TP73: variants seen among roughly 807,000 people sequenced by gnomAD.
TP73 encodes tumor protein p73.
TP73 carries 25 observed loss-of-function variants against 62.5 expected under a neutral mutation model. The ratio of observed to expected loss-of-function variants is 0.40; its 90% CI spans 0.29 to 0.56. TP73 has a LOEUF of 0.56. Ranked by LOEUF, TP73 falls within the 20% of genes least tolerant of loss-of-function variation. TP73 has a pLI of 0.46. For missense variants in TP73, 754 were observed against 913.3 expected (o/e 0.83, Z 2.25); for synonymous variants, 423 against 377.5 (o/e 1.12, Z -1.40).
intron 4 of TP73, among the ~76,000 whole-genome samples, chr1:3,721,704 T>C (rs916447715): frequency 6.6e-6 from 1 of 152,148 alleles, no homozygotes; most frequent in Non-Finnish European, 1.5e-5. Context: ...CCCTTCTTGC[T>C]CTCCTGGCCT....
At chr1:3,729,643 TG>T in intron 10 of TP73, 195 bp downstream of exon 10, 1 of 1,022,490 alleles carries the variant, frequency 9.8e-7, no homozygotes, top group Non-Finnish European at 1.5e-6. Context: ...CCTGGGACCC[TG>T]GGTCATGGCC....
rs767970033 is a variant in TP73, at chr1:3,727,242, G to A, written c.842+18G>A. 38 of 1,607,398 alleles carry A rather than the reference G, an allele frequency of 2.4e-5. No individual in the cohort carries two copies. Among genetic ancestry groups the A allele is most frequent in the South Asian group, 9.9e-5 (9 of 90,656 alleles). ...ATGCGGGAGTGAGTCCCGGGCACACGGGGTGGAGGTGGGACAGGGCTGGGC... is the reference window on the plus strand; with the variant it reads ...ATGCGGGAGTGAGTCCCGGGCACACAGGGTGGAGGTGGGACAGGGCTGGGC... On this transcript the variant is annotated intron_variant, in intron 7 of 13. Coordinates refer to ENST00000378295, the MANE Select transcript of TP73 (RefSeq NM_005427.4).
chr1:3,684,076 C>A (rs2102097066), intron 3 of TP73, among the ~76,000 whole-genome samples: 1 of 152,332 alleles, frequency 6.6e-6, no homozygotes, highest in Non-Finnish European at 1.5e-5. Flanking sequence ...CTGCCCATAG[C>A]CAGGCCTCGA....
At chr1:3,715,273 G>A (rs547728299) in intron 4 of TP73, among the ~76,000 whole-genome samples, 14 of 152,252 alleles carry the variant, frequency 9.2e-5, no homozygotes, top group East Asian at 7.7e-4. Context: ...CTGTAGTACC[G>A]TCTTTCTGGA....
chr1:3,682,021 G>A (rs1645534888), intron 1 of TP73, among the ~76,000 whole-genome samples: 1 of 152,222 alleles, frequency 6.6e-6, no homozygotes, highest in Admixed American at 6.5e-5. Flanking sequence ...AGGAGCGGGT[G>A]TTGCTGTCAC....
At chr1:3,700,904 G>T (rs1176134675) in intron 3 of TP73, among the ~76,000 whole-genome samples, 1 of 152,254 alleles carries the variant, frequency 6.6e-6, no homozygotes, top group African/African-American at 2.4e-5. Context: ...CCATGCGGCG[G>T]GAGGGTGATG....
rs1277917272 is a variant in TP73, at chr1:3,735,729, GGGGACAGGCAGT to G, written c.*2653_*2664del. ...GGCTGCTGGCACTCCTGGGGCCAAG[GGGGACAGGCAGT>G]GGTCCTGAGTCTGCTCAGAGAGGCA... On this transcript the variant is annotated 3_prime_UTR_variant, in exon 14 of 14. Coordinates refer to ENST00000378295, the MANE Select transcript of TP73 (RefSeq NM_005427.4). 6.6e-6 allele frequency: 1 copy of G among 152,268 alleles called. No homozygotes were observed. The highest frequency in any genetic ancestry group is 2.4e-5 in the African/African-American group (1 of 41,444). 9.4% of individuals were successfully genotyped at this position (152,268 alleles called of 1,614,324 possible). A position where few individuals can be genotyped will look rare whatever the true frequency, so the allele number is the denominator to read the frequency against.
At chr1:3,715,716 C>G (rs925401786) in intron 4 of TP73, among the ~76,000 whole-genome samples, 2 of 152,112 alleles carry the variant, frequency 1.3e-5, no homozygotes, top group African/African-American at 4.8e-5. Flanking sequence ...GCAAACGCTG[C>G]CTCGCAGCCT....
rs1642337275 is a variant in TP73 at position 3,734,236 on chromosome 1, T to C, written c.*1157T>C. The C allele has an allele frequency of 6.6e-6, 1 of 152,434 alleles. No homozygotes were observed. Among genetic ancestry groups the C allele is most frequent in the Admixed American group, 6.5e-5 (1 of 15,292 alleles). The allele number at this position is 152,434 out of a possible 1,614,324, so 9.4% of individuals were successfully genotyped here. A position where few individuals can be genotyped will look rare whatever the true frequency, so the allele number is the denominator to read the frequency against. On this transcript the variant is annotated 3_prime_UTR_variant, in exon 14 of 14. Transcript: ENST00000378295. This position sits in a 1 kb window ranked among gnomAD's most constrained non-coding sequence, Gnocchi z 4.4. The stretch of plus-strand genomic sequence containing the variant: ...AGACTGAGGTAGGTGTAGGGGGGTC[T>C]AGGCCTTCGTGGAGCACCCCAGGGA...
At chr1:3,710,555 G>C (rs1052262315) in intron 4 of TP73, among the ~76,000 whole-genome samples, 1 of 152,180 alleles carries the variant, frequency 6.6e-6, no homozygotes, top group African/African-American at 2.4e-5. Flanking sequence ...GTAACTGATA[G>C]ATAATTCATA....
chr1:3,729,443 G>A lies in TP73; in HGVS notation c.1191G>A (p.Gln397=), dbSNP rs375217132. ...DSYRQQQQLL[Q]RPSHLQPPSY... Reference sequence around the variant, plus strand: ...ATCGGCAGCAGCAGCAGCTCCTACAGAGGCCGTGAGTCAGCCCTAGCCCAC... The same window carrying A: ...ATCGGCAGCAGCAGCAGCTCCTACAAAGGCCGTGAGTCAGCCCTAGCCCAC... Residue 397 remains glutamine, a synonymous_variant, in exon 10 of 14, where the codon CAG becomes CAA. Transcript: ENST00000378295. 3.7e-6 allele frequency: 6 copies of A among 1,612,640 alleles called. No individual in the cohort carries two copies. The highest frequency in any genetic ancestry group is 5.1e-6 in the Non-Finnish European group (6 of 1,179,980).
At chr1:3,710,313 T>C (rs1236715893) in intron 4 of TP73, among the ~76,000 whole-genome samples, 1 of 151,980 alleles carries the variant, frequency 6.6e-6, no homozygotes, top group Non-Finnish European at 1.5e-5. Context: ...GATAATGAGA[T>C]TTTTGGCACC....
At position 3,682,722 on chromosome 1, in the gene TP73, C is replaced by T. The variant is rs182062726; in HGVS notation, c.65+292C>T. Among the ~76,000 whole-genome samples, 38 of 152,298 alleles carry T rather than the reference C, an allele frequency of 2.5e-4. 1 individual carries two copies. Among genetic ancestry groups the T allele is most frequent in the Admixed American group, 2.0e-3 (31 of 15,312 alleles). On this transcript the variant is annotated intron_variant, in intron 2 of 13. Coordinates refer to ENST00000378295, the MANE Select transcript of TP73 (RefSeq NM_005427.4). ...CACCCTCATCAGCTTGGGGACAGGG[C>T]GGGTCGGAGGGGCAGGGAAGAGGGA...
At chr1:3,669,784 C>T (rs1645199995) in intron 1 of TP73, among the ~76,000 whole-genome samples, 1 of 152,228 alleles carries the variant, frequency 6.6e-6, no homozygotes, top group Admixed American at 6.5e-5. Flanking sequence ...GCTGGACTCC[C>T]AGGCTGGGGA....
In TP73 at chr1:3,690,833, G is replaced by A. The variant is rs576990223; in HGVS notation, c.186+7653G>A. On this transcript the variant is annotated intron_variant, in intron 3 of 13. Transcript: ENST00000378295. ...GGCCACGACCGTGACCCTTCCCCTC[G>A]GGCCGCCCAGATCCATGCCTCGTCC... 35 of 1,546,152 alleles carry A rather than the reference G, an allele frequency of 2.3e-5. 1 individual carries two copies. In the South Asian group the frequency reaches 2.5e-4, roughly 11 times the overall value.
intron 1 of TP73, among the ~76,000 whole-genome samples, chr1:3,671,980 G>T (rs1645251934): frequency 6.6e-6 from 1 of 152,164 alleles, no homozygotes. Context: ...ATTGCTCACT[G>T]AGTCAGGGCG....
intron 4 of TP73, among the ~76,000 whole-genome samples, chr1:3,718,471 A>G (rs1278480858): frequency 1.3e-5 from 2 of 152,058 alleles, no homozygotes; most frequent in Non-Finnish European, 1.5e-5. Flanking sequence ...GGTCTGCGAA[A>G]TGGGAGCACT....
At chr1:3,687,492 C>A (rs1357213497) in intron 3 of TP73, among the ~76,000 whole-genome samples, 1 of 152,236 alleles carries the variant, frequency 6.6e-6, no homozygotes, top group Non-Finnish European at 1.5e-5. Flanking sequence ...GGAGTCTCTG[C>A]AGTGCTGGGC....
intron 1 of TP73, among the ~76,000 whole-genome samples, chr1:3,660,330 C>T (rs1308297799): frequency 6.6e-6 from 1 of 152,218 alleles, no homozygotes; most frequent in African/African-American, 2.4e-5. Flanking sequence ...ATTTTGTTTT[C>T]CTCCAACGGG....
Sources: allele counts gnomAD v4.1 joint callset (sites outside exome capture counted in the v4.1 genomes callset), GRCh38; gene constraint gnomAD v4.1.1; non-coding constraint Gnocchi (gnomAD v3.1); transcripts MANE v1.5; gene names NCBI Gene and HGNC (gene_info 2026-07-23, HGNC 2026-07-21).